FAM13A: variants seen among roughly 807,000 people sequenced by gnomAD.
FAM13A encodes family with sequence similarity 13 member A, also known as protein FAM13A.
In FAM13A, 76 loss-of-function variants were observed where a neutral mutation model predicts 129.6. The ratio of observed to expected loss-of-function variants is 0.59; its 90% CI spans 0.49 to 0.71. The LOEUF (loss-of-function observed/expected upper bound fraction) is 0.71. Among genes scored for constraint, FAM13A ranks in the 30% least tolerant of loss-of-function variants. The pLI is 0.00. For synonymous variants in FAM13A, 443 were observed against 449.9 expected (o/e 0.98, Z 0.20); for missense variants, 1,108 against 1,249.3 (o/e 0.89, Z 1.70).
At chr4:88,905,489 T>C (rs1044351737) in intron 6 of FAM13A, among the ~76,000 whole-genome samples, 1 of 152,182 alleles carries the variant, frequency 6.6e-6, no homozygotes, top group Non-Finnish European at 1.5e-5. Context: ...TTGTTGTACA[T>C]ATTATCACAT....
intron 5 of FAM13A, among the ~76,000 whole-genome samples, chr4:88,910,291 A>G (rs1748880664): frequency 1.3e-5 from 2 of 152,202 alleles, no homozygotes; most frequent in Admixed American, 1.3e-4. Flanking sequence ...TGCTTAAACC[A>G]GCTGTGTCAT....
chr4:88,832,204 ACC>A (rs1734008611), intron 7 of FAM13A, among the ~76,000 whole-genome samples: 1 of 152,166 alleles, frequency 6.6e-6, no homozygotes, highest in African/African-American at 2.4e-5. Context: ...CTGAAACTGG[ACC>A]CCTTCCTTAT....
intron 6 of FAM13A, among the ~76,000 whole-genome samples, chr4:88,876,217 C>G (rs928600759): frequency 2.6e-5 from 4 of 151,994 alleles, no homozygotes; most frequent in African/African-American, 9.7e-5. Flanking sequence ...GTGCAGCACA[C>G]AAACATGGCA....
chr4:89,003,019 C>T (rs1764465451), intron 3 of FAM13A, among the ~76,000 whole-genome samples: 1 of 151,912 alleles, frequency 6.6e-6, no homozygotes, highest in African/African-American at 2.4e-5. Flanking sequence ...AAGGATAACA[C>T]AAGAAAATTT....
chr4:88,980,125 G>C (rs1006804489), intron 4 of FAM13A, among the ~76,000 whole-genome samples: 1 of 152,154 alleles, frequency 6.6e-6, no homozygotes, highest in Non-Finnish European at 1.5e-5. Flanking sequence ...ATAAACAACA[G>C]TAAGTTTTTA....
intron 7 of FAM13A, among the ~76,000 whole-genome samples, chr4:88,807,244 A>G (rs1728739064): frequency 6.6e-6 from 1 of 152,246 alleles, no homozygotes; most frequent in Admixed American, 6.5e-5. Flanking sequence ...ACAGCTGTTT[A>G]TGTGTCTTAG....
chr4:89,006,980 TA>T (rs1480565248), intron 3 of FAM13A, among the ~76,000 whole-genome samples: 2 of 152,164 alleles, frequency 1.3e-5, no homozygotes, highest in East Asian at 1.9e-4. Flanking sequence ...GGGCACAGGA[TA>T]GGGGGGCAGG....
At chr4:89,006,124 A>G (rs1270000387) in intron 3 of FAM13A, among the ~76,000 whole-genome samples, 1 of 152,148 alleles carries the variant, frequency 6.6e-6, no homozygotes, top group East Asian at 1.9e-4. Context: ...TCTTCTGAAT[A>G]TGGCTAGCCA....
At chr4:88,988,870 A>G (rs950476235) in intron 4 of FAM13A, among the ~76,000 whole-genome samples, 1 of 152,240 alleles carries the variant, frequency 6.6e-6, no homozygotes, top group Admixed American at 6.5e-5. Context: ...AGCAACAGAC[A>G]GTAACATTTA....
intron 4 of FAM13A, among the ~76,000 whole-genome samples, chr4:88,962,107 C>A (rs1758702222): frequency 6.6e-6 from 1 of 151,068 alleles, no homozygotes; most frequent in Non-Finnish European, 1.5e-5. Flanking sequence ...AAAAACCAGA[C>A]CTCATAAATA....
chr4:88,836,903 A>G (rs1561124658), intron 7 of FAM13A, among the ~76,000 whole-genome samples: 1 of 151,722 alleles, frequency 6.6e-6, no homozygotes, highest in Non-Finnish European at 1.5e-5. Flanking sequence ...GAGGTTGCAG[A>G]GGGCCGAGAT....
At chr4:88,801,124 G>T (rs1298855582) in intron 8 of FAM13A, among the ~76,000 whole-genome samples, 1 of 152,050 alleles carries the variant, frequency 6.6e-6, no homozygotes, top group African/African-American at 2.4e-5. Context: ...ACCTAAAAAT[G>T]CTTTAGAAAG....
At chr4:88,899,278 G>A (rs1746865293) in intron 6 of FAM13A, among the ~76,000 whole-genome samples, 1 of 152,062 alleles carries the variant, frequency 6.6e-6, no homozygotes, top group Admixed American at 6.6e-5. Context: ...ACTCATAAGT[G>A]GGAGCTAAGC....
intron 4 of FAM13A, among the ~76,000 whole-genome samples, chr4:88,955,614 T>C (rs779757717): frequency 6.6e-6 from 1 of 152,184 alleles, no homozygotes; most frequent in Admixed American, 6.5e-5. Context: ...AATTTGGAAC[T>C]TCCTAGAGAC....
At chr4:88,752,417 TA>T (rs772106312) in intron 14 of FAM13A, among the ~76,000 whole-genome samples, 1 of 152,212 alleles carries the variant, frequency 6.6e-6, no homozygotes, top group Non-Finnish European at 1.5e-5. Flanking sequence ...CACATTAATT[TA>T]AAAAATTAAC....
chr4:88,971,785 C>T (rs1230223146), intron 4 of FAM13A, among the ~76,000 whole-genome samples: 5 of 152,188 alleles, frequency 3.3e-5, no homozygotes, highest in Non-Finnish European at 7.3e-5. Flanking sequence ...GCTGAGATTA[C>T]AGGCATGAGC....
At chr4:88,779,082 T>C (rs888525196) in intron 11 of FAM13A, among the ~76,000 whole-genome samples, 6 of 152,196 alleles carry the variant, frequency 3.9e-5, no homozygotes, top group Admixed American at 1.3e-4. Context: ...CTACCTAATA[T>C]ACTTTATTGT....
chr4:88,865,889 T>G, intron 6 of FAM13A, among the ~76,000 whole-genome samples: 1 of 138,678 alleles, frequency 7.2e-6, no homozygotes, highest in African/African-American at 2.8e-5. Context: ...TTTTTTTTTT[T>G]TTTTTTTTTT....
chr4:88,868,664 C>T (rs979631184), intron 6 of FAM13A, among the ~76,000 whole-genome samples: 4 of 152,120 alleles, frequency 2.6e-5, no homozygotes, highest in Non-Finnish European at 4.4e-5. Context: ...CTAGACACAC[C>T]GCACCCTGTA....
Sources: allele counts gnomAD v4.1 joint callset (sites outside exome capture counted in the v4.1 genomes callset), GRCh38; gene constraint gnomAD v4.1.1; transcripts MANE v1.5; gene names NCBI Gene and HGNC (gene_info 2026-07-23, HGNC 2026-07-21).